The following LRP1B variants were observed in gnomAD, a reference collection of about 807,000 sequenced individuals.
LRP1B encodes low-density lipoprotein receptor-related protein 1B.
LRP1B carries 217 observed loss-of-function variants against 556.6 expected under a neutral mutation model. The ratio of observed to expected loss-of-function variants is 0.39; its 90% CI spans 0.35 to 0.44. LRP1B has a LOEUF of 0.44. Ranked by LOEUF, LRP1B falls within the 20% of genes least tolerant of loss-of-function variation. The pLI is 1.00. For synonymous variants in LRP1B, 2,047 were observed against 1,865.8 expected, an observed-to-expected ratio of 1.10 and a Z score of -2.50; for missense variants, 5,053 against 5,620.8, an observed-to-expected ratio of 0.90 and a Z score of 3.23.
intron 2 of LRP1B, among the ~76,000 whole-genome samples, chr2:141,717,397 G>C (rs1692645306): frequency 6.6e-6 from 1 of 152,136 alleles, no homozygotes; most frequent in African/African-American, 2.4e-5. Context: ...ACTTCAAGTT[G>C]ACCAGTGGTG....
intron 31 of LRP1B, among the ~76,000 whole-genome samples, chr2:140,821,875 A>G (rs967723981): frequency 2.6e-5 from 4 of 152,048 alleles, no homozygotes; most frequent in Non-Finnish European, 5.9e-5. Flanking sequence ...GCTACAAAAA[A>G]TACAAAATTA....
At chr2:140,575,210 G>A (rs1281763809) in intron 43 of LRP1B, among the ~76,000 whole-genome samples, 1 of 152,098 alleles carries the variant, frequency 6.6e-6, no homozygotes, top group Non-Finnish European at 1.5e-5. Flanking sequence ...AGAGGAACTA[G>A]CTCAACAACT....
rs144225585 is a variant in LRP1B, at chr2:141,431,965, C to T, written c.343+48431G>A. Among the ~76,000 whole-genome samples the T allele has an allele frequency of 3.2e-3, 492 of 151,844 alleles. 2 individuals are homozygous for T. Among genetic ancestry groups the T allele is most frequent in the African/African-American group, 0.011 (470 of 41,428 alleles). ...CTTTTTATTTATTTATTTATTTTAC[C>T]TAACTGACCTAGCTAGAACCTCTAG... is the stretch of plus-strand genomic sequence containing the variant. On this transcript the variant is annotated intron_variant, in intron 3 of 90. Coordinates refer to ENST00000389484, the MANE Select transcript of LRP1B (RefSeq NM_018557.3).
In LRP1B at chr2:140,450,578, A is replaced by G. The variant is rs1002083919; in HGVS notation, c.10047T>C (p.Pro3349=). 3 of 1,608,618 alleles carry G rather than the reference A, an allele frequency of 1.9e-6. No individual in the cohort carries two copies. Among genetic ancestry groups the G allele is most frequent in the Non-Finnish European group, 2.6e-6 (3 of 1,175,426 alleles). The change falls in exon 63 of 91, where the codon CCT becomes CCC. Residue 3349 remains proline, a synonymous_variant. Transcript: ENST00000389484. ...VDDCGDGSDE[P]DDCPEFRCQP... is the part of the protein sequence containing the mutation. The stretch of plus-strand genomic sequence containing the variant: ...TGCCAGTATACTCACGACAGTCATC[A>G]GGTTCATCAGATCCATCACCACAGT...
chr2:140,943,367 C>G (rs1313480352), intron 20 of LRP1B, among the ~76,000 whole-genome samples: 2 of 151,934 alleles, frequency 1.3e-5, no homozygotes, highest in Non-Finnish European at 1.5e-5. Context: ...ACTGTGAAGG[C>G]AGAAAATTAA....
intron 89 of LRP1B, among the ~76,000 whole-genome samples, chr2:140,235,396 C>T (rs1182621312): frequency 6.6e-6 from 1 of 151,102 alleles, no homozygotes; most frequent in African/African-American, 2.4e-5. Flanking sequence ...ACTGATTGCA[C>T]CATGCATATA....
intron 2 of LRP1B, among the ~76,000 whole-genome samples, chr2:141,618,776 G>C (rs553692701): frequency 6.6e-6 from 1 of 152,302 alleles, no homozygotes; most frequent in Admixed American, 6.5e-5. Context: ...TATGGACCTA[G>C]ATGGCTAAAT....
At chr2:140,708,676 T>C (rs1686928219) in intron 37 of LRP1B, among the ~76,000 whole-genome samples, 2 of 151,862 alleles carry the variant, frequency 1.3e-5, no homozygotes, top group South Asian at 2.1e-4. Flanking sequence ...TATTAGCTTG[T>C]TTGCATTTAT....
At chr2:141,253,302 A>G (rs563970535) in intron 4 of LRP1B, among the ~76,000 whole-genome samples, 26 of 152,282 alleles carry the variant, frequency 1.7e-4, no homozygotes, top group Non-Finnish European at 1.5e-5. Context: ...TGATTTTCAA[A>G]TGTTGTCTTA....
intron 2 of LRP1B, among the ~76,000 whole-genome samples, chr2:141,602,029 T>A (rs1041054841): frequency 1.3e-5 from 2 of 152,174 alleles, no homozygotes; most frequent in Non-Finnish European, 2.9e-5. Flanking sequence ...TCTCTGTCAC[T>A]GGAGCAGAGC....
At chr2:140,712,596 T>A (rs1687072227) in intron 37 of LRP1B, among the ~76,000 whole-genome samples, 1 of 151,996 alleles carries the variant, frequency 6.6e-6, no homozygotes, top group South Asian at 2.1e-4. Context: ...ATCCCCATAC[T>A]AAGAAAAACC....
chr2:142,129,709 G>C (rs372200974), intron 1 of LRP1B, among the ~76,000 whole-genome samples: 7 of 149,022 alleles, frequency 4.7e-5, no homozygotes, highest in Non-Finnish European at 7.4e-5. Context: ...TGATACTTCT[G>C]ATTTTACTTT....
At chr2:140,303,750 C>T (rs908630115) in intron 83 of LRP1B, among the ~76,000 whole-genome samples, 3 of 151,950 alleles carry the variant, frequency 2.0e-5, no homozygotes, top group Admixed American at 1.3e-4. Flanking sequence ...TGTTGGTGTG[C>T]TGCACCCATT....
chr2:141,646,424 C>T (rs940842071), intron 2 of LRP1B, among the ~76,000 whole-genome samples: 4 of 152,086 alleles, frequency 2.6e-5, no homozygotes, highest in Non-Finnish European at 5.9e-5. Flanking sequence ...AATCAATCTG[C>T]AAATGCTCAT....
rs972003397 is a variant in LRP1B, at chr2:140,385,942, C to G, written c.10482G>C (p.Arg3494=). Residue 3494 remains arginine (R), a synonymous_variant, in exon 67 of 91, where the codon CGG becomes CGC. Coordinates refer to ENST00000389484, the MANE Select transcript of LRP1B (RefSeq NM_018557.3). The stretch of plus-strand genomic sequence containing the variant: ...CACTGCAGTCATTTTGGCTATCACA[C>G]CGCCAGTGATCGGGAATACAGTTGT... ...KNNNCIPDHW[R]CDSQNDCSDN... 6.2e-7 allele frequency: 1 copy of G among 1,613,662 alleles called. No homozygotes were observed. The highest frequency in any genetic ancestry group is 1.7e-5 in the Admixed American group (1 of 59,998).
chr2:140,300,861 C>G (rs773916094), intron 83 of LRP1B, among the ~76,000 whole-genome samples: 19 of 152,112 alleles, frequency 1.2e-4, no homozygotes, highest in Non-Finnish European at 2.5e-4. Flanking sequence ...ATAGAAAGCA[C>G]AGAGTTATAT....
chr2:142,047,538 G>T (rs1044279685), intron 1 of LRP1B, among the ~76,000 whole-genome samples: 2 of 151,384 alleles, frequency 1.3e-5, no homozygotes, highest in South Asian at 4.2e-4. Context: ...TTTTTTTAAA[G>T]ATTTAATGTC....
chr2:140,954,847 TC>T (rs1489715682), intron 18 of LRP1B, among the ~76,000 whole-genome samples: 7 of 151,998 alleles, frequency 4.6e-5, no homozygotes, highest in African/African-American at 1.7e-4. Flanking sequence ...AACCTTATAG[TC>T]CAACTTAGCT....
intron 2 of LRP1B, among the ~76,000 whole-genome samples, chr2:141,566,683 G>A (rs1686342808): frequency 6.6e-6 from 1 of 151,950 alleles, no homozygotes; most frequent in Non-Finnish European, 1.5e-5. Context: ...TTCTCATTAA[G>A]TATTCTTACT....
Sources: allele counts gnomAD v4.1 joint callset (sites outside exome capture counted in the v4.1 genomes callset), GRCh38; gene constraint gnomAD v4.1.1; transcripts MANE v1.5; gene names NCBI Gene and HGNC (gene_info 2026-07-23, HGNC 2026-07-21).